NDUFS7: variants seen among roughly 807,000 people sequenced by gnomAD.
NDUFS7 encodes the protein NADH dehydrogenase [ubiquinone] iron-sulfur protein 7, mitochondrial.
Under a neutral mutation model 31.1 loss-of-function variants are expected in NDUFS7, and 11 were observed. The observed-to-expected ratio is 0.35, with a 90% CI of 0.22 to 0.59. The LOEUF (loss-of-function observed/expected upper bound fraction) is 0.59. Among genes scored for constraint, NDUFS7 ranks in the 20% least tolerant of loss-of-function variants. NDUFS7 has a pLI of 0.79. For missense variants in NDUFS7, 263 were observed against 324.2 expected, an observed-to-expected ratio of 0.81 and a Z score of 1.45; for synonymous variants, 136 against 127.9, an observed-to-expected ratio of 1.06 and a Z score of -0.43.
rs373201631 is a variant in NDUFS7, at chr19:1,390,800, C to T, written c.229-71C>T. On this transcript the variant is annotated intron_variant, in intron 4 of 7. Coordinates refer to ENST00000233627, the MANE Select transcript of NDUFS7 (RefSeq NM_024407.5). The stretch of plus-strand genomic sequence containing the variant: ...ACATGAGTCGGGGGTTCTGGGTGCT[C>T]CACGTGGAGTCTCACGCTGGGCCAC... 3.3e-6 allele frequency: 5 copies of T among 1,533,934 alleles called. No individual in the cohort carries two copies. In the African/African-American group the frequency reaches 5.5e-5, roughly 17 times the overall value.
chr19:1,389,155 A>G (rs2082532788), intron 4 of NDUFS7: 1 of 700,316 alleles, frequency 1.4e-6, no homozygotes, highest in Non-Finnish European at 2.6e-6. Context: ...GCACACTCGC[A>G]CACATGCACA....
At chr19:1,390,842 G>A in intron 4 of NDUFS7, 29 bp from the exon 5 acceptor site, 3 of 1,601,382 alleles carry the variant, frequency 1.9e-6, no homozygotes, top group Non-Finnish European at 2.5e-6. Context: ...CTCCGGGGGT[G>A]GCGTCTGACC....
intron 1 of NDUFS7, among the ~76,000 whole-genome samples, chr19:1,385,821 A>AAAC (rs528997553): frequency 3.8e-4 from 58 of 152,228 alleles, no homozygotes; most frequent in East Asian, 1.2e-3. Flanking sequence ...CTCCGTCTCA[A>AAAC]AACAACAACA....
At chr19:1,389,156 C>G in intron 4 of NDUFS7, 1 of 700,210 alleles carries the variant, frequency 1.4e-6, no homozygotes, top group Non-Finnish European at 2.6e-6. Context: ...CACACTCGCA[C>G]ACATGCACAC....
chr19:1,388,857 C>A lies in NDUFS7; in HGVS notation c.147C>A (p.Ala49=). 1.9e-6 allele frequency: 3 copies of A among 1,605,558 alleles called. No individual in the cohort carries two copies. Among genetic ancestry groups the A allele is most frequent in the Non-Finnish European group, 2.5e-6 (3 of 1,176,566 alleles). Residue 49 remains alanine (A), a synonymous_variant, in exon 4 of 8, where the codon GCC becomes GCA. Transcript: ENST00000233627. ...GCACCCAGCCTGCCCTGCCAAAGGC[C>A]AGAGCCGTGGCTCCCAAACCCAGCA... ...PSSTQPALPK[A]RAVAPKPSSR...
intron 2 of NDUFS7, 161 bp downstream of exon 2, chr19:1,388,008 C>T (rs565724622): frequency 1.4e-6 from 1 of 737,258 alleles, no homozygotes. Context: ...CCGTGATGTG[C>T]CGGGACCCTC....
intron 1 of NDUFS7, among the ~76,000 whole-genome samples, chr19:1,385,136 C>T (rs574909894): frequency 9.8e-5 from 15 of 152,332 alleles, no homozygotes; most frequent in Non-Finnish European, 1.5e-5. Flanking sequence ...GCTAATTTTC[C>T]ATAAGATGCT....
At chr19:1,391,706 T>A (rs996925205) in intron 6 of NDUFS7, 2 of 168,162 alleles carry the variant, frequency 1.2e-5, no homozygotes, top group African/African-American at 2.4e-5. Flanking sequence ...AGGCTGGTCT[T>A]GAACTCCCTC....
rs1228883686 is a variant in NDUFS7 at position 1,395,383 on chromosome 19, C to T, written c.545-8C>T. On this transcript the variant is annotated splice_region_variant and splice_polypyrimidine_tract_variant and intron_variant, in intron 7 of 7. Coordinates refer to ENST00000233627, the MANE Select transcript of NDUFS7 (RefSeq NM_024407.5). ...GCGGGAAGCGAGACTGAGGCAAGGT[C>T]CCTGCAGGCTGCCCACCTACGGCCG... 6 of 1,597,826 alleles carry T rather than the reference C, an allele frequency of 3.8e-6. No individual in the cohort carries two copies. Among genetic ancestry groups the T allele is most frequent in the Non-Finnish European group, 4.3e-6 (5 of 1,174,114 alleles).
intron 2 of NDUFS7, 119 bp downstream of exon 2, chr19:1,387,966 G>A (rs2082520892): frequency 1.1e-6 from 1 of 895,712 alleles, no homozygotes; most frequent in Admixed American, 2.0e-5. Flanking sequence ...GTCATGTTAG[G>A]GACAGGATGC....
chr19:1,394,705 C>A, intron 7 of NDUFS7: 1 of 1,188,616 alleles, frequency 8.4e-7, no homozygotes, highest in Admixed American at 3.4e-5. Context: ...GCGGACTGTG[C>A]TTCTCCCTCC....
At chr19:1,384,851 G>A (rs539792964) in intron 1 of NDUFS7, among the ~76,000 whole-genome samples, 6 of 152,256 alleles carry the variant, frequency 3.9e-5, no homozygotes, top group African/African-American at 9.6e-5. Context: ...TGCCTCTGTC[G>A]CTCAGACTGG....
At chr19:1,394,241 C>A in intron 7 of NDUFS7, 3 of 608,086 alleles carry the variant, frequency 4.9e-6, no homozygotes, top group Non-Finnish European at 7.7e-6. Flanking sequence ...GCGTTCTGCA[C>A]GGTTCAGGTC....
At chr19:1,387,764 C>T (rs1350161063) in intron 1 of NDUFS7, 47 bp from the exon 2 acceptor site, 8 of 1,594,732 alleles carry the variant, frequency 5.0e-6, no homozygotes, top group African/African-American at 1.3e-5. Flanking sequence ...GCCGGCCCTG[C>T]GTGCTGCCCG....
chr19:1,383,984 TG>T, intron 1 of NDUFS7, 42 bp downstream of exon 1: 1 of 1,543,818 alleles, frequency 6.5e-7, no homozygotes, highest in Non-Finnish European at 8.7e-7. Flanking sequence ...CGCGCGGGTC[TG>T]GGGCCGTGGG....
At position 1,388,507 on chromosome 19, in the gene NDUFS7, C is replaced by T. The variant is rs115835616; in HGVS notation, c.54-18C>T. On this transcript the variant is annotated intron_variant, in intron 2 of 7. Transcript: ENST00000233627. ...GGGGCCTGGGACAGCCACTGACCCG[C>T]GTTCCATCTCCCGGCAGCTCCAGCG... 1,047 of 1,610,236 alleles carry T rather than the reference C, an allele frequency of 6.5e-4. 9 individuals carry two copies. The African/African-American group carries it at 0.012, about 18-fold the overall frequency.
At position 1,393,507 on chromosome 19, in the gene NDUFS7, C is replaced by A; in HGVS notation, c.544+177C>A. 1 of 693,350 alleles carries A rather than the reference C, an allele frequency of 1.4e-6. No individual in the cohort carries two copies. The highest frequency in any genetic ancestry group is 1.5e-5 in the South Asian group (1 of 67,050). The allele number at this position is 693,350 out of a possible 1,614,324, so 42.9% of individuals were successfully genotyped here. On this transcript the variant is annotated intron_variant, in intron 7 of 7. Coordinates refer to ENST00000233627, the MANE Select transcript of NDUFS7 (RefSeq NM_024407.5). The surrounding 1 kb of genome is among the most constrained non-coding windows in gnomAD (Gnocchi z 7.3). ...GTGGAGCCTGTCCCCTGTGAGAAGT[C>A]GGCGATGTATTCAGGCATCAGAGGG...
intron 3 of NDUFS7, 42 bp downstream of exon 3, chr19:1,388,635 A>G: frequency 1.3e-6 from 2 of 1,581,180 alleles, no homozygotes; most frequent in South Asian, 2.2e-5. Context: ...CCCTCGCCCC[A>G]CCCCCATCCC....
chr19:1,385,729 G>GTATTGAGGCAGTTC (rs2082503471), intron 1 of NDUFS7, among the ~76,000 whole-genome samples: 1 of 152,126 alleles, frequency 6.6e-6, no homozygotes, highest in African/African-American at 2.4e-5. Context: ...TGAGGCAGGA[G>GTATTGAGGCAGTTC]AATAGCTTGA....
Sources: allele counts gnomAD v4.1 joint callset (sites outside exome capture counted in the v4.1 genomes callset), GRCh38; gene constraint gnomAD v4.1.1; non-coding constraint Gnocchi (gnomAD v3.1); transcripts MANE v1.5; gene names NCBI Gene and HGNC (gene_info 2026-07-23, HGNC 2026-07-21).